TRAPPC9: variants seen among roughly 807,000 people sequenced by gnomAD.
TRAPPC9 encodes IKK2 binding protein.
A neutral mutation model predicts 124.0 loss-of-function variants in TRAPPC9; 83 were observed. That is an observed-to-expected ratio of 0.67 (90% confidence interval 0.56 to 0.80). The LOEUF (loss-of-function observed/expected upper bound fraction) is 0.80. Among genes scored for constraint, TRAPPC9 ranks in the 30% least tolerant of loss-of-function variants. The pLI, the probability that TRAPPC9 is intolerant of heterozygous loss-of-function variation, is 0.00. For synonymous variants in TRAPPC9, 638 were observed against 617.5 expected (o/e 1.03, Z -0.49); for missense variants, 1,302 against 1,508.3 (o/e 0.86, Z 2.27).
At chr8:140,414,115 A>G (rs1258028521) in intron 5 of TRAPPC9, among the ~76,000 whole-genome samples, 1 of 152,232 alleles carries the variant, frequency 6.6e-6, no homozygotes. Context: ...ATACATCATC[A>G]AAAGAATTAA....
chr8:140,325,971 C>G (rs1455472482), intron 9 of TRAPPC9, among the ~76,000 whole-genome samples: 1 of 152,076 alleles, frequency 6.6e-6, no homozygotes, highest in Non-Finnish European at 1.5e-5. Context: ...ACACCGAAGC[C>G]TTTTAAAAAC....
At chr8:139,809,052 G>A (rs1439756753) in intron 21 of TRAPPC9, among the ~76,000 whole-genome samples, 2 of 152,188 alleles carry the variant, frequency 1.3e-5, no homozygotes, top group Non-Finnish European at 2.9e-5. Flanking sequence ...TTCCAACATG[G>A]ATTAACACCA....
At chr8:140,020,996 ATAGT>A (rs1291578654) in intron 18 of TRAPPC9, among the ~76,000 whole-genome samples, 2 of 152,168 alleles carry the variant, frequency 1.3e-5, no homozygotes, top group East Asian at 1.9e-4. Context: ...TACATTATGC[ATAGT>A]TAATGTCAAT....
intron 18 of TRAPPC9, among the ~76,000 whole-genome samples, chr8:139,995,645 G>A (rs536524474): frequency 6.6e-6 from 1 of 152,224 alleles, no homozygotes; most frequent in African/African-American, 2.4e-5. Flanking sequence ...TCAGAAAGGA[G>A]ATTGATTCAG....
intron 16 of TRAPPC9, among the ~76,000 whole-genome samples, chr8:140,243,769 G>T (rs2063916862): frequency 6.6e-6 from 1 of 152,216 alleles, no homozygotes; most frequent in Non-Finnish European, 1.5e-5. Context: ...CACCAGAATT[G>T]TGACATTCAC....
intron 7 of TRAPPC9, among the ~76,000 whole-genome samples, chr8:140,376,136 G>A (rs2068430573): frequency 6.6e-6 from 1 of 152,128 alleles, no homozygotes; most frequent in Admixed American, 6.5e-5. Context: ...AAAGTAATTG[G>A]ATCCATTTTC....
chr8:140,347,783 C>A (rs547499940), intron 9 of TRAPPC9, among the ~76,000 whole-genome samples: 1 of 152,318 alleles, frequency 6.6e-6, no homozygotes, highest in African/African-American at 2.4e-5. Flanking sequence ...GGAATAATTT[C>A]TCTTTGATGG....
chr8:139,856,820 C>T (rs1479138975), intron 21 of TRAPPC9, among the ~76,000 whole-genome samples: 5 of 151,626 alleles, frequency 3.3e-5, no homozygotes, highest in African/African-American at 7.3e-5. Flanking sequence ...GGAAGGAGAA[C>T]GTGCTCATTC....
chr8:140,072,709 T>C (rs1363333053), intron 17 of TRAPPC9, among the ~76,000 whole-genome samples: 2 of 152,096 alleles, frequency 1.3e-5, no homozygotes, highest in African/African-American at 2.4e-5. Flanking sequence ...TATATATATC[T>C]TCACTATATG....
chr8:139,867,733 A>C (rs1471415572), intron 21 of TRAPPC9, among the ~76,000 whole-genome samples: 2 of 152,248 alleles, frequency 1.3e-5, no homozygotes, highest in Non-Finnish European at 2.9e-5. Context: ...AGAACATTCT[A>C]CAGAATCGCT....
chr8:140,054,230 T>A (rs1388948842), intron 17 of TRAPPC9, among the ~76,000 whole-genome samples: 1 of 152,234 alleles, frequency 6.6e-6, no homozygotes, highest in Non-Finnish European at 1.5e-5. Context: ...GTTGACCATT[T>A]GGGTTATGGG....
intron 16 of TRAPPC9, among the ~76,000 whole-genome samples, chr8:140,243,946 C>G (rs1360232357): frequency 2.6e-5 from 4 of 152,252 alleles, no homozygotes; most frequent in African/African-American, 4.8e-5. Flanking sequence ...TGAGCTCTGC[C>G]TCCCGTCAGC....
intron 21 of TRAPPC9, among the ~76,000 whole-genome samples, chr8:139,832,347 G>A (rs983546379): frequency 6.6e-6 from 1 of 152,216 alleles, no homozygotes; most frequent in Non-Finnish European, 1.5e-5. Context: ...GACAAGGCAC[G>A]TACACCATGC....
At chr8:140,362,766 G>A (rs2067994594) in intron 8 of TRAPPC9, among the ~76,000 whole-genome samples, 1 of 152,146 alleles carries the variant, frequency 6.6e-6, no homozygotes, top group Non-Finnish European at 1.5e-5. Context: ...ACCTAGCCAT[G>A]AATTCAGAAA....
intron 17 of TRAPPC9, among the ~76,000 whole-genome samples, chr8:140,091,616 T>C (rs752295526): frequency 1.3e-5 from 2 of 152,160 alleles, no homozygotes; most frequent in Non-Finnish European, 2.9e-5. Flanking sequence ...AAGTCAAGGA[T>C]GGAGCTAATA....
intron 16 of TRAPPC9, among the ~76,000 whole-genome samples, chr8:140,232,213 C>T (rs926608982): frequency 4.6e-5 from 7 of 152,094 alleles, no homozygotes; most frequent in Non-Finnish European, 5.9e-5. Context: ...GCTGGGATTA[C>T]TGGTGTGAGC....
chr8:140,299,086 G>T (rs1375669754), intron 11 of TRAPPC9, among the ~76,000 whole-genome samples: 1 of 152,208 alleles, frequency 6.6e-6, no homozygotes, highest in Non-Finnish European at 1.5e-5. Context: ...GAGGGAGGGG[G>T]CATTTGAACA....
chr8:139,906,393 G>A (rs1831366103), intron 20 of TRAPPC9, among the ~76,000 whole-genome samples: 2 of 152,210 alleles, frequency 1.3e-5, no homozygotes, highest in South Asian at 4.1e-4. Flanking sequence ...CAGCAGGGCT[G>A]GGCGCTACTC....
chr8:140,382,608 G>A (rs2068641260), intron 7 of TRAPPC9, among the ~76,000 whole-genome samples: 1 of 152,208 alleles, frequency 6.6e-6, no homozygotes, highest in African/African-American at 2.4e-5. Flanking sequence ...CAGTGAGGCT[G>A]GGGGGAGGCA....
Sources: allele counts gnomAD v4.1 joint callset (sites outside exome capture counted in the v4.1 genomes callset), GRCh38; gene constraint gnomAD v4.1.1; transcripts MANE v1.5; gene names NCBI Gene and HGNC (gene_info 2026-07-23, HGNC 2026-07-21).